Variants in CD3G observed in about 807,000 individuals in gnomAD.
CD3G encodes the protein CD3 gamma subunit of T-cell receptor complex.
In CD3G, 24 loss-of-function variants were observed where a neutral mutation model predicts 28.3. That is an observed-to-expected ratio of 0.85 (90% confidence interval 0.61 to 1.19). The LOEUF is 1.19. Among genes scored for constraint, CD3G ranks in the 50% most tolerant of loss-of-function variants. CD3G has a pLI of 0.00. For missense variants in CD3G, 211 were observed against 210.0 expected, an observed-to-expected ratio of 1.00 and a Z score of -0.03; for synonymous variants, 71 against 75.9, an observed-to-expected ratio of 0.93 and a Z score of 0.34.
intron 5 of CD3G, among the ~76,000 whole-genome samples, chr11:118,351,946 C>T (rs1948413531): frequency 6.6e-6 from 1 of 152,158 alleles, no homozygotes; most frequent in South Asian, 2.1e-4. Flanking sequence ...CAGGCCATGG[C>T]TCATGCCTGT....
At chr11:118,348,449 G>C (rs1050350896) in intron 1 of CD3G, among the ~76,000 whole-genome samples, 3 of 152,150 alleles carry the variant, frequency 2.0e-5, no homozygotes, top group Non-Finnish European at 4.4e-5. Context: ...CCCGAACACA[G>C]AGCCTCCGTG....
chr11:118,350,281 G>C (rs919321792), intron 3 of CD3G: 9 of 571,016 alleles, frequency 1.6e-5, no homozygotes, highest in Non-Finnish European at 2.2e-5. Flanking sequence ...GTGAGAACTG[G>C]AGCGCAGTGG....
At chr11:118,348,972 G>A in intron 1 of CD3G, 55 bp from the exon 2 acceptor site, 3 of 1,587,936 alleles carry the variant, frequency 1.9e-6, no homozygotes, top group Non-Finnish European at 2.6e-6. Context: ...ATACTTCAGG[G>A]CATCTGAACA....
intron 1 of CD3G, among the ~76,000 whole-genome samples, chr11:118,348,507 A>G (rs552624088): frequency 1.3e-5 from 2 of 152,136 alleles, no homozygotes; most frequent in East Asian, 1.9e-4. Context: ...ACTCTCCCAC[A>G]CTCTGCCAGC....
At position 118,352,211 on chromosome 11, in the gene CD3G, G is replaced by A. The variant is rs575837048; in HGVS notation, c.484-193G>A. ...AGCCTGGGCAACAGAGAAAGACTCC[G>A]TCTCAAAAAAAAAAAAGAGAGAGAG... On this transcript the variant is annotated intron_variant, in intron 5 of 6. Coordinates refer to ENST00000532917, the MANE Select transcript of CD3G (RefSeq NM_000073.3). Among the ~76,000 whole-genome samples the A allele has an allele frequency of 7.4e-5, 11 of 148,904 alleles. No homozygotes were observed. The South Asian group carries it at 1.5e-3, about 20-fold the overall frequency.
At chr11:118,350,140 C>T in intron 3 of CD3G, 170 bp downstream of exon 3, 1 of 648,222 alleles carries the variant, frequency 1.5e-6, no homozygotes, top group Non-Finnish European at 2.7e-6. Flanking sequence ...CTTCCCTCAC[C>T]CTATTGAAAA....
intron 1 of CD3G, among the ~76,000 whole-genome samples, chr11:118,347,721 C>T (rs1344781587): frequency 2.0e-5 from 3 of 152,166 alleles, no homozygotes; most frequent in African/African-American, 7.2e-5. Flanking sequence ...ACCTCCCAGG[C>T]TCAACCATTC....
chr11:118,347,481 CTCTTT>C (rs1948367735), intron 1 of CD3G, among the ~76,000 whole-genome samples: 1 of 152,134 alleles, frequency 6.6e-6, no homozygotes, highest in African/African-American at 2.4e-5. Flanking sequence ...CATATCAGCA[CTCTTT>C]TCTTTCATAA....
intron 2 of CD3G, 119 bp from the exon 3 acceptor site, chr11:118,349,624 G>T: frequency 1.2e-6 from 1 of 814,908 alleles, no homozygotes; most frequent in South Asian, 1.4e-5. Context: ...AGATCCCCAT[G>T]TGATTCATGT....
At chr11:118,344,606 A>T (rs988912000) in intron 1 of CD3G, 128 bp downstream of exon 1, 2 of 796,764 alleles carry the variant, frequency 2.5e-6, no homozygotes, top group African/African-American at 1.7e-5. Context: ...AGTTCAAAGA[A>T]GGGCAAAATG....
chr11:118,349,833 A>C lies in CD3G; in HGVS notation c.170A>C (p.Lys57Thr), dbSNP rs1555121379. 3 of 1,614,162 alleles carry C rather than the reference A, an allele frequency of 1.9e-6. No homozygotes were observed. The highest frequency in any genetic ancestry group is 2.5e-6 in the Non-Finnish European group (3 of 1,180,024). ...DAEAKNITWFKDGKMIGFLTE... is the reference protein window; with the variant it reads ...DAEAKNITWFTDGKMIGFLTE... The stretch of plus-strand genomic sequence containing the variant: ...GAAGCCAAAAATATCACATGGTTTA[A>C]AGATGGGAAGATGATCGGCTTCCTA... The change falls in exon 3 of 7, where the codon AAA becomes ACA. Residue 57 changes from lysine (K) to threonine (T), a missense_variant. Transcript: ENST00000532917.
chr11:118,347,261 G>T (rs1322782822), intron 1 of CD3G, among the ~76,000 whole-genome samples: 2 of 152,032 alleles, frequency 1.3e-5, no homozygotes, highest in East Asian at 3.9e-4. Context: ...GTATATTCTT[G>T]CTTACTCTTC....
chr11:118,346,432 G>T (rs1022757167), intron 1 of CD3G, among the ~76,000 whole-genome samples: 1 of 151,188 alleles, frequency 6.6e-6, no homozygotes, highest in Non-Finnish European at 1.5e-5. Flanking sequence ...GTGAGACTCC[G>T]TCTCAAAAAA....
chr11:118,344,507 T>TG, intron 1 of CD3G, 29 bp downstream of exon 1: 1 of 1,542,602 alleles, frequency 6.5e-7, no homozygotes, highest in Non-Finnish European at 8.8e-7. Flanking sequence ...TCTGGAAGCC[T>TG]GGGGAAGGGC....
At chr11:118,350,033 T>G (rs1401664934) in intron 3 of CD3G, 63 bp downstream of exon 3, 6 of 1,296,330 alleles carry the variant, frequency 4.6e-6, no homozygotes, top group Non-Finnish European at 6.7e-6. Flanking sequence ...TCTGGTGAGC[T>G]TTTTATCTGG....
Position 118,349,914 on chromosome 11 carries a change from T to A in CD3G, c.251T>A (p.Met84Lys). 1 of 1,614,106 alleles carries A rather than the reference T, an allele frequency of 6.2e-7. No individual in the cohort carries two copies. Among genetic ancestry groups the A allele is most frequent in the African/African-American group, 1.3e-5 (1 of 75,010 alleles). ...LGSNAKDPRGMYQCKGSQNKS... is the reference protein window; with the variant it reads ...LGSNAKDPRGKYQCKGSQNKS... ...AGTAATGCCAAGGACCCTCGAGGGA[T>A]GTATCAGTGTAAAGGATCACAGAAC... is the stretch of plus-strand genomic sequence containing the variant. Residue 84 changes from methionine (M) to lysine (K), a missense_variant, in exon 3 of 7, where the codon ATG becomes AAG. By Grantham distance (95) the Met-to-Lys change is moderately conservative. Transcript: ENST00000532917.
In CD3G at chr11:118,349,959, T is replaced by A. The variant is rs776875720; in HGVS notation, c.296T>A (p.Val99Glu). ...GSQNKSKPLQ[V>E]YYRMCQNCIE... ...CAGAACAAGTCAAAACCACTCCAAGTGTATTACAGAAGTATGTAATCCCCT... is the reference window on the plus strand; with the variant it reads ...CAGAACAAGTCAAAACCACTCCAAGAGTATTACAGAAGTATGTAATCCCCT... The change falls in exon 3 of 7, where the codon GTG becomes GAG. Residue 99 changes from valine (V) to glutamate (E), a missense_variant. Physicochemically the swap from Val to Glu is moderately radical, Grantham distance 121 (BLOSUM62 -2). Coordinates refer to ENST00000532917, the MANE Select transcript of CD3G (RefSeq NM_000073.3). 3.7e-6 allele frequency: 6 copies of A among 1,612,664 alleles called. No homozygotes were observed. The highest frequency in any genetic ancestry group is 4.2e-6 in the Non-Finnish European group (5 of 1,178,798).
At chr11:118,352,264 T>A in intron 5 of CD3G, 140 bp from the exon 6 acceptor site, 1 of 769,706 alleles carries the variant, frequency 1.3e-6, no homozygotes, top group Non-Finnish European at 2.3e-6. Flanking sequence ...AGAGCCTCCA[T>A]CTCCTTGTCC....
chr11:118,351,798 G>A, intron 5 of CD3G, 127 bp downstream of exon 5: 1 of 826,340 alleles, frequency 1.2e-6, no homozygotes, highest in Non-Finnish European at 2.1e-6. Context: ...CAGATGATGA[G>A]ATCAGTTTGG....
Sources: gnomAD v4.1 joint callset for allele counts (sites outside exome capture counted in the v4.1 genomes callset) on GRCh38, gnomAD v4.1.1 for gene constraint, MANE v1.5 for transcripts, NCBI Gene and HGNC (gene_info 2026-07-23, HGNC 2026-07-21) for gene names.